ELAVL2: variants seen among roughly 807,000 people sequenced by gnomAD.
The protein encoded by ELAVL2 is ELAV-like protein 2.
ELAVL2 carries 4 observed loss-of-function variants against 34.6 expected under a neutral mutation model. That is an observed-to-expected ratio of 0.12 (90% CI 0.06 to 0.26). ELAVL2 has a LOEUF of 0.26. Among genes scored for constraint, ELAVL2 ranks in the 10% least tolerant of loss-of-function variants. ELAVL2 has a pLI of 1.00. For synonymous variants in ELAVL2, 193 were observed against 154.8 expected (o/e 1.25, Z -1.83); for missense variants, 432 against 442.8 (o/e 0.98, Z 0.22).
intron 5 of ELAVL2, among the ~76,000 whole-genome samples, chr9:23,699,315 C>A (rs1201877826): frequency 6.6e-6 from 1 of 152,166 alleles, no homozygotes; most frequent in Non-Finnish European, 1.5e-5. Flanking sequence ...ATCAGGCACT[C>A]TCCCAAATCC....
Position 23,690,430 on chromosome 9 carries a change from TA to T in ELAVL2, c.*2126del, listed in dbSNP as rs1289158681. 1 of 152,536 alleles carries T rather than the reference TA, an allele frequency of 6.6e-6. No individual in the cohort carries two copies. The highest frequency in any genetic ancestry group is 2.4e-5 in the African/African-American group (1 of 41,436). The allele number at this position is 152,536 out of a possible 1,614,324, so 9.4% of individuals were successfully genotyped here. A position where few individuals can be genotyped will look rare whatever the true frequency, so the allele number is the denominator to read the frequency against. On this transcript the variant is annotated 3_prime_UTR_variant, in exon 7 of 7. Transcript: ENST00000397312. ...TTATTTTTTTTTAAGTATATACATG[TA>T]TTTTATTTTTTAGTGTTTTTCTTTT...
intron 2 of ELAVL2, among the ~76,000 whole-genome samples, chr9:23,739,085 A>G (rs1164401231): frequency 1.3e-5 from 2 of 151,872 alleles, no homozygotes; most frequent in Non-Finnish European, 2.9e-5. Context: ...CTTGCCAAGT[A>G]TTACACCGGG....
At chr9:23,816,683 C>T (rs991554770) in intron 1 of ELAVL2, among the ~76,000 whole-genome samples, 2 of 152,116 alleles carry the variant, frequency 1.3e-5, no homozygotes, top group Admixed American at 6.5e-5. Context: ...GATCCTTTCC[C>T]GGGCTAGCAG....
intron 1 of ELAVL2, chr9:23,779,354 T>G: frequency 2.0e-6 from 2 of 985,386 alleles, no homozygotes; most frequent in Non-Finnish European, 2.4e-6. Flanking sequence ...GCAGAAAGTC[T>G]TCAAAGGCAA....
chr9:23,787,216 C>T (rs941835655), intron 1 of ELAVL2, among the ~76,000 whole-genome samples: 1 of 151,884 alleles, frequency 6.6e-6, no homozygotes, highest in East Asian at 1.9e-4. Flanking sequence ...AGGGCATTAC[C>T]CCCCTGTGAT....
chr9:23,769,298 G>A (rs1215949302), intron 1 of ELAVL2, among the ~76,000 whole-genome samples: 1 of 152,098 alleles, frequency 6.6e-6, no homozygotes, highest in African/African-American at 2.4e-5. Context: ...CTCCAAAATT[G>A]GTGAAATAAG....
chr9:23,779,148 A>G, intron 1 of ELAVL2: 1 of 973,024 alleles, frequency 1.0e-6, no homozygotes, highest in South Asian at 4.8e-5. Flanking sequence ...CGCTCTAAAA[A>G]CTGTCTCATG....
rs141051452 is a variant in ELAVL2, at chr9:23,789,074, A to G, written c.-15-26825T>C. On this transcript the variant is annotated intron_variant, in intron 1 of 6. Transcript: ENST00000397312. ...CTTATAGAGGGCAGTGTAAGAATATAGTCCCCCAATTTTTTCCTTCTTACC... is the reference window on the plus strand; with the variant it reads ...CTTATAGAGGGCAGTGTAAGAATATGGTCCCCCAATTTTTTCCTTCTTACC... Among the ~76,000 whole-genome samples the G allele has an allele frequency of 6.2e-4, 94 of 152,292 alleles. 1 individual carries two copies. The highest frequency in any genetic ancestry group is 1.2e-3 in the South Asian group (6 of 4,824).
chr9:23,778,516 G>C (rs950691920), intron 1 of ELAVL2, among the ~76,000 whole-genome samples: 3 of 152,136 alleles, frequency 2.0e-5, no homozygotes, highest in Non-Finnish European at 4.4e-5. Flanking sequence ...TAGCCAGCAG[G>C]TTGCCCTATA....
chr9:23,845,926 C>T, the ELAVL2 span, among the ~76,000 whole-genome samples: 1 of 151,696 alleles, frequency 6.6e-6, no homozygotes, highest in Non-Finnish European at 1.5e-5. Flanking sequence ...AAATATTGAG[C>T]AGTTTTCTGT....
the ELAVL2 span, among the ~76,000 whole-genome samples, chr9:23,840,302 C>T: frequency 6.6e-6 from 1 of 152,180 alleles, no homozygotes; most frequent in African/African-American, 2.4e-5. Context: ...CTGTGCAACA[C>T]AATCTACCTG....
chr9:23,725,174 A>G (rs2044763811), intron 3 of ELAVL2, among the ~76,000 whole-genome samples: 1 of 152,172 alleles, frequency 6.6e-6, no homozygotes, highest in Non-Finnish European at 1.5e-5. Context: ...CTCAAGGTCA[A>G]TCCCAACACT....
intron 1 of ELAVL2, among the ~76,000 whole-genome samples, chr9:23,786,399 T>G (rs1215986723): frequency 2.0e-5 from 3 of 152,126 alleles, no homozygotes; most frequent in Non-Finnish European, 4.4e-5. Context: ...ATGAATGACT[T>G]AGCAATATAT....
intron 1 of ELAVL2, among the ~76,000 whole-genome samples, chr9:23,802,799 G>A (rs932119985): frequency 1.3e-5 from 2 of 152,258 alleles, no homozygotes; most frequent in South Asian, 2.1e-4. Context: ...TAAGCCAGAC[G>A]TTAAAGAAAT....
chr9:23,825,463 T>A (rs2065241554), intron 1 of ELAVL2, among the ~76,000 whole-genome samples: 1 of 152,032 alleles, frequency 6.6e-6, no homozygotes, highest in African/African-American at 2.4e-5. Flanking sequence ...GAGGCATGCA[T>A]CCCCAACACC....
chr9:23,780,845 A>C (rs1486091469), intron 1 of ELAVL2, among the ~76,000 whole-genome samples: 1 of 152,234 alleles, frequency 6.6e-6, no homozygotes, highest in African/African-American at 2.4e-5. Flanking sequence ...TGTAGCATTC[A>C]GGAAATTTGG....
At chr9:23,739,796 C>T (rs532654754) in intron 2 of ELAVL2, among the ~76,000 whole-genome samples, 11 of 151,928 alleles carry the variant, frequency 7.2e-5, no homozygotes, top group African/African-American at 1.9e-4. Flanking sequence ...CACACACACA[C>T]GCACACACCC....
intron 3 of ELAVL2, among the ~76,000 whole-genome samples, chr9:23,717,154 A>C (rs367840554): frequency 2.0e-5 from 3 of 152,210 alleles, no homozygotes; most frequent in Admixed American, 6.5e-5. Flanking sequence ...GCTTTGCAAC[A>C]ATGTTCAGAA....
chr9:23,723,602 T>A (rs2044313137), intron 3 of ELAVL2, among the ~76,000 whole-genome samples: 1 of 151,760 alleles, frequency 6.6e-6, no homozygotes, highest in Non-Finnish European at 1.5e-5. Flanking sequence ...TTTTTGGCCA[T>A]CCAGATCAGT....
Sources: gnomAD v4.1 joint callset for allele counts (sites outside exome capture counted in the v4.1 genomes callset) on GRCh38, gnomAD v4.1.1 for gene constraint, MANE v1.5 for transcripts, NCBI Gene and HGNC (gene_info 2026-07-23, HGNC 2026-07-21) for gene names.